EPB41L4B: variants seen among roughly 807,000 people sequenced by gnomAD.
The protein encoded by EPB41L4B is band 4.1-like protein 4B.
Under a neutral mutation model 112.5 loss-of-function variants are expected in EPB41L4B, and 30 were observed. The ratio of observed to expected loss-of-function variants is 0.27; its 90% CI spans 0.20 to 0.36. The LOEUF is 0.36. Among genes scored for constraint, EPB41L4B ranks in the 10% least tolerant of loss-of-function variants. The pLI is 1.00. For synonymous variants in EPB41L4B, 408 were observed against 439.7 expected (o/e 0.93, Z 0.90); for missense variants, 1,024 against 1,133.3 (o/e 0.90, Z 1.38).
At chr9:109,198,189 T>C (rs995147787) in intron 20 of EPB41L4B, among the ~76,000 whole-genome samples, 1 of 152,164 alleles carries the variant, frequency 6.6e-6, no homozygotes, top group Non-Finnish European at 1.5e-5. Flanking sequence ...CAGGTACAAA[T>C]GGCAGACCTG....
chr9:109,275,006 C>A (rs944313864), intron 2 of EPB41L4B, among the ~76,000 whole-genome samples: 2 of 152,250 alleles, frequency 1.3e-5, no homozygotes, highest in Non-Finnish European at 2.9e-5. Context: ...TATGTAGACA[C>A]AGACTCCCAG....
intron 17 of EPB41L4B, among the ~76,000 whole-genome samples, chr9:109,211,363 G>A (rs1453220647): frequency 2.6e-5 from 4 of 152,078 alleles, no homozygotes; most frequent in South Asian, 2.1e-4. Context: ...GGGAGGCTGC[G>A]GAGTGTGGAT....
chr9:109,179,255 C>T (rs889821894), intron 24 of EPB41L4B, among the ~76,000 whole-genome samples: 1 of 152,198 alleles, frequency 6.6e-6, no homozygotes, highest in African/African-American at 2.4e-5. Flanking sequence ...TGAAACCCAG[C>T]TCCATCAATG....
At chr9:109,314,329 T>C (rs1460215156) in intron 1 of EPB41L4B, among the ~76,000 whole-genome samples, 1 of 152,194 alleles carries the variant, frequency 6.6e-6, no homozygotes, top group Non-Finnish European at 1.5e-5. Context: ...CCCACCCCCA[T>C]CGACCTTCTG....
At chr9:109,210,059 T>C (rs1833112392) in intron 17 of EPB41L4B, among the ~76,000 whole-genome samples, 1 of 151,992 alleles carries the variant, frequency 6.6e-6, no homozygotes. Flanking sequence ...TCAGGTTAGA[T>C]TCTTTAGTTA....
At chr9:109,268,156 G>A (rs780237883) in intron 3 of EPB41L4B, among the ~76,000 whole-genome samples, 5 of 152,156 alleles carry the variant, frequency 3.3e-5, no homozygotes, top group Admixed American at 6.5e-5. Context: ...TGGCAGAGGC[G>A]TCTGATTTCA....
At chr9:109,244,281 C>T (rs969488081) in intron 14 of EPB41L4B, among the ~76,000 whole-genome samples, 7 of 150,434 alleles carry the variant, frequency 4.7e-5, no homozygotes, top group African/African-American at 1.7e-4. Flanking sequence ...GAGCGCTTAT[C>T]ATCCTGATAA....
intron 1 of EPB41L4B, among the ~76,000 whole-genome samples, chr9:109,298,328 C>CT: frequency 8.9e-6 from 1 of 112,004 alleles, no homozygotes; most frequent in Non-Finnish European, 1.8e-5. Context: ...TTTTTTTTTT[C>CT]CCCAAGACAA....
chr9:109,287,434 T>C (rs1031146322), intron 1 of EPB41L4B, among the ~76,000 whole-genome samples: 9 of 152,250 alleles, frequency 5.9e-5, no homozygotes, highest in South Asian at 2.1e-4. Context: ...TTAGTCTCAA[T>C]AGCATAAGAT....
chr9:109,298,307 T>G (rs1836816893), intron 1 of EPB41L4B, among the ~76,000 whole-genome samples: 1 of 115,290 alleles, frequency 8.7e-6, no homozygotes, highest in Admixed American at 1.2e-4. Flanking sequence ...TTCCCAATCA[T>G]ATATGCTTTT....
chr9:109,222,558 A>G (rs148285233), intron 15 of EPB41L4B, among the ~76,000 whole-genome samples: 12 of 152,330 alleles, frequency 7.9e-5, no homozygotes, highest in African/African-American at 2.9e-4. Flanking sequence ...GTACTCAGAG[A>G]CCTTGGCTAA....
intron 2 of EPB41L4B, among the ~76,000 whole-genome samples, 179 bp downstream of exon 2, chr9:109,279,638 A>T (rs571497712): frequency 1.3e-5 from 2 of 152,206 alleles, no homozygotes; most frequent in African/African-American, 4.8e-5. Context: ...AGGGTGAGGC[A>T]TCCTACAAGC....
intron 24 of EPB41L4B, among the ~76,000 whole-genome samples, chr9:109,181,580 T>C (rs2118610728): frequency 6.6e-6 from 1 of 152,264 alleles, no homozygotes; most frequent in Middle Eastern, 3.4e-3. Context: ...CTCATGCCTG[T>C]AATCTCAGCA....
chr9:109,284,683 G>C (rs1564319435), intron 1 of EPB41L4B, among the ~76,000 whole-genome samples: 1 of 152,328 alleles, frequency 6.6e-6, no homozygotes, highest in East Asian at 1.9e-4. Context: ...ACTGAGATCG[G>C]AGGCGTGAGC....
intron 1 of EPB41L4B, among the ~76,000 whole-genome samples, chr9:109,281,395 C>T (rs1471673603): frequency 6.6e-6 from 1 of 152,168 alleles, no homozygotes; most frequent in Non-Finnish European, 1.5e-5. Flanking sequence ...CTATGTCACA[C>T]TCACTAGGAT....
intron 1 of EPB41L4B, among the ~76,000 whole-genome samples, chr9:109,285,111 G>C (rs986695014): frequency 6.6e-6 from 1 of 152,192 alleles, no homozygotes; most frequent in Non-Finnish European, 1.5e-5. Flanking sequence ...TGAATACACA[G>C]GGCCACCAAA....
chr9:109,265,248 A>G (rs1835358916), intron 4 of EPB41L4B, among the ~76,000 whole-genome samples: 1 of 152,206 alleles, frequency 6.6e-6, no homozygotes, highest in Non-Finnish European at 1.5e-5. Flanking sequence ...GGAACTCGCA[A>G]GATACTTGTA....
chr9:109,273,964 T>C (rs1035928931), intron 2 of EPB41L4B, among the ~76,000 whole-genome samples: 2 of 152,180 alleles, frequency 1.3e-5, no homozygotes, highest in African/African-American at 2.4e-5. Flanking sequence ...TGTGATGACA[T>C]TCTGACCAAT....
In EPB41L4B at chr9:109,182,769, T is replaced by G. The variant is rs3750450; in HGVS notation, c.2447A>C (p.Asn816Thr). Residue 816 changes from asparagine (N) to threonine (T), a missense_variant, in exon 24 of 26, where the codon AAC (asparagine) becomes ACC (threonine). Asn to Thr is a moderately conservative substitution (Grantham distance 65). Transcript: ENST00000374566. ...LIKTFPVDTM[N>T]PFPDTFTTGP... ...TGTGGTGAAAGTATCAGGAAACGGG[T>G]TCATTGTATCAACCGGGAATGTTTT... 0.73 allele frequency: 1,181,991 copies of G among 1,609,268 alleles called. 436,259 individuals are homozygous for G. Among genetic ancestry groups the G allele is most frequent in the Middle Eastern group, 0.82 (4,951 of 6,052 alleles).
Sources: gnomAD v4.1 joint callset for allele counts (sites outside exome capture counted in the v4.1 genomes callset) on GRCh38, gnomAD v4.1.1 for gene constraint, MANE v1.5 for transcripts, NCBI Gene and HGNC (gene_info 2026-07-23, HGNC 2026-07-21) for gene names.